The following WDPCP variants were observed in gnomAD, a reference collection of about 807,000 sequenced individuals.
WDPCP encodes WD repeat-containing and planar cell polarity effector protein fritz homolog.
In WDPCP, 71 loss-of-function variants were observed where a neutral mutation model predicts 93.1. The observed-to-expected ratio is 0.76, with a 90% CI of 0.63 to 0.93. The LOEUF is 0.93. Among genes scored for constraint, WDPCP ranks in the 40% least tolerant of loss-of-function variants. The pLI is 0.00. For missense variants in WDPCP, 844 were observed against 887.4 expected (o/e 0.95, Z 0.62); for synonymous variants, 315 against 315.0 (o/e 1.00, Z 0.00).
chr2:63,718,344 T>C (rs183419629), intron 2 of WDPCP, among the ~76,000 whole-genome samples: 23 of 152,302 alleles, frequency 1.5e-4, no homozygotes, highest in East Asian at 1.2e-3. Flanking sequence ...CTATTTTCCA[T>C]AGGGGTTTTA....
chr2:63,605,242 C>A, intron 3 of WDPCP: 1 of 1,361,240 alleles, frequency 7.3e-7, no homozygotes, highest in Non-Finnish European at 1.0e-6. Context: ...GCTATCATGA[C>A]CAAGTAATAC....
At chr2:63,265,336 A>G (rs1487715349) in intron 13 of WDPCP, among the ~76,000 whole-genome samples, 1 of 152,128 alleles carries the variant, frequency 6.6e-6, no homozygotes, top group African/African-American at 2.4e-5. Context: ...ATGAAAGAGG[A>G]GACATTATAA....
chr2:63,214,221 C>G (rs1009058093), intron 14 of WDPCP, among the ~76,000 whole-genome samples: 2 of 152,152 alleles, frequency 1.3e-5, no homozygotes, highest in Non-Finnish European at 2.9e-5. Flanking sequence ...CAAAAATCCT[C>G]AATAAAATAC....
chr2:63,180,701 G>GT (rs1457089866), intron 14 of WDPCP, among the ~76,000 whole-genome samples: 1 of 152,124 alleles, frequency 6.6e-6, no homozygotes, highest in East Asian at 1.9e-4. Context: ...ATAGCCAGTA[G>GT]TGGGATTGCT....
intron 6 of WDPCP, among the ~76,000 whole-genome samples, chr2:63,464,769 G>C (rs1256311153): frequency 3.3e-5 from 5 of 151,998 alleles, no homozygotes; most frequent in Non-Finnish European, 2.9e-5. Context: ...TTATGTAAGT[G>C]AAACCAGTCA....
chr2:63,671,377 C>T (rs771207883), intron 2 of WDPCP, among the ~76,000 whole-genome samples: 1 of 152,128 alleles, frequency 6.6e-6, no homozygotes, highest in Non-Finnish European at 1.5e-5. Flanking sequence ...TTAGGGACTC[C>T]CAAACAGCCT....
intron 2 of WDPCP, among the ~76,000 whole-genome samples, chr2:63,718,590 T>A (rs905656799): frequency 1.3e-5 from 2 of 152,238 alleles, no homozygotes; most frequent in Non-Finnish European, 2.9e-5. Flanking sequence ...GCCCACTTTT[T>A]AATGGGGTTG....
At chr2:63,270,125 T>C (rs1025247306) in intron 13 of WDPCP, among the ~76,000 whole-genome samples, 2 of 152,194 alleles carry the variant, frequency 1.3e-5, no homozygotes, top group African/African-American at 4.8e-5. Flanking sequence ...GAAATAAAAA[T>C]TTTAGTAATC....
chr2:63,709,406 T>C (rs1386326625), intron 2 of WDPCP, among the ~76,000 whole-genome samples: 1 of 152,192 alleles, frequency 6.6e-6, no homozygotes, highest in African/African-American at 2.4e-5. Context: ...ATTATCATAT[T>C]TGACATTTTA....
At chr2:63,838,662 T>C in the WDPCP span, among the ~76,000 whole-genome samples, 1 of 152,188 alleles carries the variant, frequency 6.6e-6, no homozygotes, top group Admixed American at 6.5e-5. Context: ...TCATGCACCT[T>C]GAAGGGATAT....
At chr2:63,809,375 G>GC (rs1670825587) in intron 2 of WDPCP, among the ~76,000 whole-genome samples, 1 of 152,136 alleles carries the variant, frequency 6.6e-6, no homozygotes, top group African/African-American at 2.4e-5. Flanking sequence ...GAAGTGAGGA[G>GC]CCCCTCTGCC....
At chr2:63,251,238 G>A (rs1020275634) in intron 14 of WDPCP, among the ~76,000 whole-genome samples, 1 of 151,780 alleles carries the variant, frequency 6.6e-6, no homozygotes, top group African/African-American at 2.4e-5. Context: ...GATAACAAAG[G>A]AAAAAAGGAT....
intron 1 of WDPCP, among the ~76,000 whole-genome samples, chr2:63,497,111 C>CAAAAAAAAAAAA (rs10667775): frequency 1.4e-5 from 1 of 72,472 alleles, no homozygotes; most frequent in African/African-American, 5.6e-5. Context: ...GACTCCATCT[C>CAAAAAAAAAAAA]AAAAAAAAAA....
intron 14 of WDPCP, among the ~76,000 whole-genome samples, chr2:63,179,160 A>C (rs1023045717): frequency 6.7e-6 from 1 of 149,942 alleles, no homozygotes. Flanking sequence ...AGACTGCACC[A>C]CTGCACTCCA....
chr2:63,655,468 A>AT lies in WDPCP; in HGVS notation n.309-4631dup, dbSNP rs950648562. Among the ~76,000 whole-genome samples the AT allele has an allele frequency of 7.9e-5, 12 of 151,680 alleles. No individual in the cohort carries two copies. The South Asian group carries it at 1.0e-3, about 13-fold the overall frequency. On this transcript the variant is annotated intron_variant and non_coding_transcript_variant, in intron 2 of 4. Coordinates refer to the WDPCP transcript ENST00000467687. ...ACACCTTGCTATACACTCTTCTATA[A>AT]TTTTTTTTGCTTAATCTTATGTCTT...
chr2:63,261,494 T>C (rs573100469), intron 13 of WDPCP, among the ~76,000 whole-genome samples: 56 of 152,292 alleles, frequency 3.7e-4, no homozygotes, highest in South Asian at 6.2e-4. Context: ...CTTATATATG[T>C]GGAAAGACAT....
upstream of WDPCP, among the ~76,000 whole-genome samples, chr2:63,592,328 T>C (rs1709215817): frequency 1.3e-5 from 2 of 152,208 alleles, no homozygotes; most frequent in Non-Finnish European, 2.9e-5. Context: ...ATGAATAAAA[T>C]ACCTTTTGTT....
intron 6 of WDPCP, among the ~76,000 whole-genome samples, chr2:63,469,682 C>T (rs1575479651): frequency 1.3e-5 from 2 of 152,216 alleles, no homozygotes; most frequent in Non-Finnish European, 2.9e-5. Flanking sequence ...GAACAATAGA[C>T]ACTGGGGCCT....
intron 8 of WDPCP, 89 bp from the exon 9 acceptor site, chr2:63,434,025 G>A (rs1344641177): frequency 6.3e-5 from 85 of 1,340,522 alleles, no homozygotes; most frequent in Non-Finnish European, 5.5e-5. Flanking sequence ...ATCTGGAAAT[G>A]TAGTTACATG....
Sources: allele counts gnomAD v4.1 joint callset (sites outside exome capture counted in the v4.1 genomes callset), GRCh38; gene constraint gnomAD v4.1.1; transcripts MANE v1.5; gene names NCBI Gene and HGNC (gene_info 2026-07-23, HGNC 2026-07-21).